The following CNTNAP3B variants were observed in gnomAD, a reference collection of about 807,000 sequenced individuals.
CNTNAP3B encodes contactin associated protein family member 3B, also known as contactin-associated protein-like 3B.
CNTNAP3B carries 25 observed loss-of-function variants against 108.9 expected under a neutral mutation model. The observed-to-expected ratio is 0.23, with a 90% CI of 0.17 to 0.32. The LOEUF is 0.32. CNTNAP3B is among the 10% of genes least tolerant of loss of function. CNTNAP3B has a pLI of 1.00. For synonymous variants in CNTNAP3B, 103 were observed against 473.4 expected (o/e 0.22, Z 10.16); for missense variants, 252 against 1,210.4 (o/e 0.21, Z 11.75).
Position 42,094,023 on chromosome 9 carries a change from T to C in CNTNAP3B, c.196+10606A>G, listed in dbSNP as rs560238516. Among the ~76,000 whole-genome samples the C allele has an allele frequency of 6.0e-3, 795 of 133,386 alleles. 155 individuals carry two copies. The highest frequency in any genetic ancestry group is 0.023 in the African/African-American group (759 of 33,262). The allele number at this position is 133,386 out of a possible 152,430, so 87.5% of individuals were successfully genotyped here. A position where few individuals can be genotyped will look rare whatever the true frequency, so the allele number is the denominator to read the frequency against. ...CTGAGGAAACAAAAACTCAGGGAGA[T>C]AAAGGAATTTGTCCAAAGTCACACA... On this transcript the variant is annotated intron_variant, in intron 2 of 23. Transcript: ENST00000377561.
chr9:41,959,785 G>C (rs1413415745), intron 12 of CNTNAP3B, among the ~76,000 whole-genome samples: 2 of 152,298 alleles, frequency 1.3e-5, no homozygotes, highest in African/African-American at 2.4e-5. Context: ...CTTTATCCTT[G>C]ATGCTTGCTG....
rs775536209 is a variant in CNTNAP3B, at chr9:41,929,494, G to A, written c.2238-50C>T. ...TAAAATTATTCTGATTAACATACGG[G>A]CAAAATTAACTCTGATCTCTTATCT... On this transcript the variant is annotated intron_variant, in intron 14 of 23. Coordinates refer to ENST00000377561, the MANE Select transcript of CNTNAP3B (RefSeq NM_001201380.3). 5.3e-6 allele frequency: 8 copies of A among 1,504,540 alleles called. No homozygotes were observed. In the Admixed American group the frequency reaches 9.4e-5, roughly 18 times the overall value. 93.2% of individuals were successfully genotyped at this position (1,504,540 alleles called of 1,614,324 possible). A position where few individuals can be genotyped will look rare whatever the true frequency, so the allele number is the denominator to read the frequency against.
rs1339677583 is a variant in CNTNAP3B, at chr9:42,080,432, C to T, written c.197-3370G>A. ...CCAGATGCATTTTAAGGGTAAGCTG[C>T]TGTGCACACAATTTAATTAAACGCT... On this transcript the variant is annotated intron_variant, in intron 2 of 23. Coordinates refer to ENST00000377561, the MANE Select transcript of CNTNAP3B (RefSeq NM_001201380.3). Among the ~76,000 whole-genome samples the T allele has an allele frequency of 1.4e-5, 2 of 139,608 alleles. 1 individual carries two copies. The highest frequency in any genetic ancestry group is 3.1e-5 in the Non-Finnish European group (2 of 65,086). The allele number at this position is 139,608 out of a possible 152,430, so 91.6% of individuals were successfully genotyped here.
At position 42,106,375 on chromosome 9, in the gene CNTNAP3B, A is replaced by T. The variant is rs1479599199; in HGVS notation, c.86-1636T>A. Among the ~76,000 whole-genome samples, 2 of 83,858 alleles carry T rather than the reference A, an allele frequency of 2.4e-5. 1 individual carries two copies. Among genetic ancestry groups the T allele is most frequent in the African/African-American group, 9.2e-5 (2 of 21,838 alleles). 55.0% of individuals were successfully genotyped at this position (83,858 alleles called of 152,430 possible). A position where few individuals can be genotyped will look rare whatever the true frequency, so the allele number is the denominator to read the frequency against. On this transcript the variant is annotated intron_variant, in intron 1 of 23. Coordinates refer to ENST00000377561, the MANE Select transcript of CNTNAP3B (RefSeq NM_001201380.3). ...GGTGAGTCAGACACTGGAATTTGTG[A>T]TTTTTTTACATACAAAGAGCAGCAT...
intron 13 of CNTNAP3B, among the ~76,000 whole-genome samples, chr9:41,940,327 AC>A (rs368636601): frequency 9.0e-3 from 1,364 of 151,494 alleles, no homozygotes; most frequent in South Asian, 0.035. Context: ...ACAAAACAAA[AC>A]AAATCTTGAA....
chr9:41,999,608 G>T (rs1825962209), intron 4 of CNTNAP3B, among the ~76,000 whole-genome samples: 1 of 111,536 alleles, frequency 9.0e-6, no homozygotes, highest in African/African-American at 4.0e-5. Flanking sequence ...TCTCTGGAGA[G>T]CCCTGACTGA....
chr9:41,934,051 T>C (rs1234299186), intron 14 of CNTNAP3B, among the ~76,000 whole-genome samples: 2 of 150,228 alleles, frequency 1.3e-5, no homozygotes, highest in Admixed American at 6.6e-5. Flanking sequence ...AAATGTTATG[T>C]TAATTATTCC....
At chr9:41,906,827 G>A (rs1823410423) in intron 20 of CNTNAP3B, 27 bp downstream of exon 20, 1 of 685,690 alleles carries the variant, frequency 1.5e-6, no homozygotes, top group Non-Finnish European at 2.5e-6. Context: ...ATATTAGTTA[G>A]TTTGACTTTT....
At chr9:41,949,778 A>C (rs895586219) in intron 13 of CNTNAP3B, among the ~76,000 whole-genome samples, 1 of 151,968 alleles carries the variant, frequency 6.6e-6, no homozygotes, top group African/African-American at 2.4e-5. Context: ...ACTTTTAGGA[A>C]AAAAATTCAA....
At chr9:41,979,837 C>T (rs1026936407) in intron 9 of CNTNAP3B, 2 of 123,724 alleles carry the variant, frequency 1.6e-5, no homozygotes, top group Admixed American at 1.7e-4. Context: ...GATCCGCCGG[C>T]CTCAGCCTCC....
At position 42,030,920 on chromosome 9, in the gene CNTNAP3B, G is replaced by A. The variant is rs1460381384; in HGVS notation, c.391-17395C>T. Among the ~76,000 whole-genome samples the A allele has an allele frequency of 4.5e-5, 5 of 111,788 alleles. 1 individual carries two copies. The highest frequency in any genetic ancestry group is 7.3e-5 in the Non-Finnish European group (4 of 54,642). 73.3% of individuals were successfully genotyped at this position (111,788 alleles called of 152,430 possible). A position where few individuals can be genotyped will look rare whatever the true frequency, so the allele number is the denominator to read the frequency against. On this transcript the variant is annotated intron_variant, in intron 3 of 23. Coordinates refer to ENST00000377561, the MANE Select transcript of CNTNAP3B (RefSeq NM_001201380.3). The stretch of plus-strand genomic sequence containing the variant: ...CATAGGGTTCTCAGCCTCTTTCAAG[G>A]CCCAAGGATCTCTCAGAAGACACTT...
intron 11 of CNTNAP3B, among the ~76,000 whole-genome samples, chr9:41,963,597 TG>T (rs1825171999): frequency 6.6e-6 from 1 of 151,684 alleles, no homozygotes; most frequent in East Asian, 1.9e-4. Context: ...TGAGGAAGGT[TG>T]GTTACAAGAG....
chr9:41,967,240 A>C (rs1045904515), intron 10 of CNTNAP3B, among the ~76,000 whole-genome samples: 2 of 152,240 alleles, frequency 1.3e-5, no homozygotes, highest in Non-Finnish European at 2.9e-5. Context: ...GTGTCATGGG[A>C]GGGAACCTGT....
At chr9:42,019,591 CAAAAAAAA>C (rs569640352) in intron 3 of CNTNAP3B, among the ~76,000 whole-genome samples, 6 of 100,814 alleles carry the variant, frequency 6.0e-5, no homozygotes, top group African/African-American at 2.3e-4. Context: ...ATCTCTACTT[CAAAAAAAA>C]AAAAAAAAAA....
chr9:42,082,758 C>T (rs1175489561), intron 2 of CNTNAP3B, among the ~76,000 whole-genome samples: 9 of 135,530 alleles, frequency 6.6e-5, no homozygotes, highest in Admixed American at 7.5e-5. Flanking sequence ...TTACAAAATG[C>T]ATCTACACTC....
Position 41,894,029 on chromosome 9 carries a change from T to C in CNTNAP3B, c.3827A>G (p.Lys1276Arg). The change falls in exon 24 of 24, where the codon AAA (lysine) becomes AGA (arginine). Residue 1276 changes from lysine (K) to arginine (R), a missense_variant. Coordinates refer to ENST00000377561, the MANE Select transcript of CNTNAP3B (RefSeq NM_001201380.3). Reference sequence around the variant, plus strand: ...TTTTGAGACTTTTGACTCATTTTCTTTGCGTAACTTTCTCTGTTGATAGAT... The same window carrying C: ...TTTTGAGACTTTTGACTCATTTTCTCTGCGTAACTTTCTCTGTTGATAGAT... ...IRIYQQRKLRKENESKVSKKE... is the reference protein window; with the variant it reads ...IRIYQQRKLRRENESKVSKKE... The C allele has an allele frequency of 8.8e-6, 1 of 113,492 alleles. No homozygotes were observed. The highest frequency in any genetic ancestry group is 1.6e-5 in the Non-Finnish European group (1 of 64,106). 7.0% of individuals were successfully genotyped at this position (113,492 alleles called of 1,614,324 possible).
chr9:41,919,361 G>T (rs1451992814), intron 18 of CNTNAP3B, among the ~76,000 whole-genome samples: 4 of 151,702 alleles, frequency 2.6e-5, no homozygotes, highest in Non-Finnish European at 5.9e-5. Flanking sequence ...TGATCCGCCT[G>T]CCTTGGCCTC....
At chr9:41,925,895 C>T (rs1588043330) in intron 15 of CNTNAP3B, among the ~76,000 whole-genome samples, 1 of 152,216 alleles carries the variant, frequency 6.6e-6, no homozygotes, top group South Asian at 2.1e-4. Context: ...GTCGTGGTTT[C>T]TTTTTTAGCA....
intron 2 of CNTNAP3B, among the ~76,000 whole-genome samples, chr9:42,097,327 C>T (rs148190713): frequency 0.027 from 3,804 of 139,930 alleles, 434 homozygotes; most frequent in Non-Finnish European, 0.04. Flanking sequence ...CCTCCCGCAC[C>T]GCCTGTTCAG....
Sources: allele counts gnomAD v4.1 joint callset (sites outside exome capture counted in the v4.1 genomes callset), GRCh38; gene constraint gnomAD v4.1.1; transcripts MANE v1.5; gene names NCBI Gene and HGNC (gene_info 2026-07-23, HGNC 2026-07-21).